TIAM1: variants seen among roughly 807,000 people sequenced by gnomAD.
The protein encoded by TIAM1 is TIAM Rac1 associated GEF 1, also known as rho guanine nucleotide exchange factor TIAM1.
A neutral mutation model predicts 163.5 loss-of-function variants in TIAM1; 65 were observed. That is an observed-to-expected ratio of 0.40 (90% confidence interval 0.33 to 0.49). The LOEUF (loss-of-function observed/expected upper bound fraction) is 0.49. Among genes scored for constraint, TIAM1 ranks in the 20% least tolerant of loss-of-function variants. The pLI is 0.77. For synonymous variants in TIAM1, 833 were observed against 810.1 expected (o/e 1.03, Z -0.48); for missense variants, 1,789 against 2,044.7 (o/e 0.87, Z 2.41).
Position 31,314,632 on chromosome 21 carries a change from G to C in TIAM1, c.-189+24611C>G, listed in dbSNP as rs932931212. Reference sequence around the variant, plus strand: ...CCAATATATTTTTTTAGAAATATTGGCTGCAAACCACTAAAATTATTTTAT... The same window carrying C: ...CCAATATATTTTTTTAGAAATATTGCCTGCAAACCACTAAAATTATTTTAT... On this transcript the variant is annotated intron_variant, in intron 2 of 27. Transcript: ENST00000541036. Among the ~76,000 whole-genome samples the C allele has an allele frequency of 7.9e-5, 12 of 152,086 alleles. No individual in the cohort carries two copies. In the East Asian group the frequency reaches 1.7e-3, roughly 22 times the overall value.
At chr21:31,290,959 A>G (rs1316088192) in intron 2 of TIAM1, among the ~76,000 whole-genome samples, 1 of 152,194 alleles carries the variant, frequency 6.6e-6, no homozygotes, top group East Asian at 1.9e-4. Context: ...AGCGCTCACT[A>G]GGGACCACTA....
Position 31,210,629 on chromosome 21 carries a change from GAA to G in TIAM1, c.2218-416_2218-415del, listed in dbSNP as rs1569031810. 6.2e-3 allele frequency among the ~76,000 whole-genome samples: 148 copies of G among 23,812 alleles called. 12 individuals carry two copies. Among genetic ancestry groups the G allele is most frequent in the Admixed American group, 0.019 (48 of 2,560 alleles). 15.6% of individuals were successfully genotyped at this position (23,812 alleles called of 152,430 possible). A position where few individuals can be genotyped will look rare whatever the true frequency, so the allele number is the denominator to read the frequency against. On this transcript the variant is annotated intron_variant, in intron 10 of 27. Transcript: ENST00000541036. ...AGGAAGGAAGGGAGAAAGAAAGAAA[GAA>G]AGAAAGAAAGAAAGAAAGAAAGAAA...
rs1476663075 is a variant in TIAM1, at chr21:31,209,584, A to G, written c.2388+461T>C. ...GATGCCCATAGTGTATCGGTTACTG[A>G]TTAAAGAGCAGGTGACAGAACAGTA... On this transcript the variant is annotated intron_variant, in intron 11 of 27. Transcript: ENST00000541036. 2.0e-5 allele frequency among the ~76,000 whole-genome samples: 3 copies of G among 152,236 alleles called. No homozygotes were observed. The East Asian group carries it at 5.8e-4, about 29-fold the overall frequency.
upstream of TIAM1, among the ~76,000 whole-genome samples, chr21:31,348,106 T>C (rs547237200): frequency 1.3e-3 from 196 of 152,236 alleles, no homozygotes; most frequent in African/African-American, 4.5e-3. Flanking sequence ...ACTCTCTCTC[T>C]CTATATATTA....
chr21:31,549,845 C>T (rs1010585430), intron 1 of TIAM1, among the ~76,000 whole-genome samples: 8 of 152,128 alleles, frequency 5.3e-5, no homozygotes, highest in African/African-American at 9.7e-5. Context: ...TTTAAAAGGC[C>T]GGGCGTGGTG....
rs1471647783 is a variant in TIAM1, at chr21:31,312,394, T to A, written c.-189+26849A>T. On this transcript the variant is annotated intron_variant, in intron 2 of 27. Transcript: ENST00000541036. ...TACTGGTCTTGGAAGGGAAACAATA[T>A]AACAGGTGAGTTAGCGTCATTAGTA... Among the ~76,000 whole-genome samples, 4 of 152,098 alleles carry A rather than the reference T, an allele frequency of 2.6e-5. No individual in the cohort carries two copies. In the East Asian group the frequency reaches 7.7e-4, roughly 29 times the overall value.
intron 2 of TIAM1, among the ~76,000 whole-genome samples, chr21:31,413,930 A>C (rs2043291287): frequency 6.6e-6 from 1 of 152,202 alleles, no homozygotes; most frequent in African/African-American, 2.4e-5. Flanking sequence ...GCACAAGGTC[A>C]ACATCTGGAA....
chr21:31,129,932 T>C (rs560863083), intron 25 of TIAM1, among the ~76,000 whole-genome samples: 6 of 152,264 alleles, frequency 3.9e-5, no homozygotes, highest in South Asian at 4.2e-4. Context: ...ATCTATAGAA[T>C]AGAATAACTA....
chr21:31,210,669 A>G lies in TIAM1; in HGVS notation c.2218-454T>C, dbSNP rs796095872. Among the ~76,000 whole-genome samples, 221 of 38,034 alleles carry G rather than the reference A, an allele frequency of 5.8e-3. 3 individuals carry two copies. Among genetic ancestry groups the G allele is most frequent in the East Asian group, 0.015 (15 of 1,016 alleles). The allele number at this position is 38,034 out of a possible 152,430, so 25.0% of individuals were successfully genotyped here. On this transcript the variant is annotated intron_variant, in intron 10 of 27. Coordinates refer to ENST00000541036, the MANE Select transcript of TIAM1 (RefSeq NM_001353694.2). ...AGAAAGAAAGAAAGAAAGAAAGAAA[A>G]AGAAAGAAAGAAAGAAAAAGAAAGA... is the stretch of plus-strand genomic sequence containing the variant.
intron 25 of TIAM1, 77 bp downstream of exon 25, chr21:31,130,136 A>G: frequency 2.6e-6 from 3 of 1,171,374 alleles, no homozygotes; most frequent in Non-Finnish European, 3.8e-6. Context: ...TTAGACCAAG[A>G]GTGTGGATTC....
chr21:31,322,759 G>A (rs1402204123), intron 2 of TIAM1, among the ~76,000 whole-genome samples: 1 of 152,180 alleles, frequency 6.6e-6, no homozygotes, highest in East Asian at 1.9e-4. Flanking sequence ...AGTTATGGCT[G>A]AATATTAGGT....
At chr21:31,283,466 T>A (rs1055955427) in intron 2 of TIAM1, among the ~76,000 whole-genome samples, 11 of 152,210 alleles carry the variant, frequency 7.2e-5, no homozygotes, top group African/African-American at 2.7e-4. Context: ...ACCATGAGAA[T>A]CATGTGCTTT....
chr21:31,445,642 G>A (rs1355240571), intron 2 of TIAM1, among the ~76,000 whole-genome samples: 1 of 152,164 alleles, frequency 6.6e-6, no homozygotes, highest in Non-Finnish European at 1.5e-5. Context: ...ACTGCAGGCA[G>A]TATCCAAAGA....
intron 8 of TIAM1, among the ~76,000 whole-genome samples, chr21:31,219,230 CAGGTGG>C (rs1569049748): frequency 3.0e-5 from 4 of 132,394 alleles, no homozygotes; most frequent in Non-Finnish European, 5.9e-5. Flanking sequence ...TTTATCCTAC[CAGGTGG>C]CAAGCAAAGT....
intron 8 of TIAM1, among the ~76,000 whole-genome samples, chr21:31,218,716 AG>A (rs1349597150): frequency 6.6e-6 from 1 of 152,178 alleles, no homozygotes; most frequent in Non-Finnish European, 1.5e-5. Flanking sequence ...TGCAACTTCC[AG>A]GAACTGTGCT....
chr21:31,181,972 TAG>T (rs2085052537), intron 15 of TIAM1, among the ~76,000 whole-genome samples: 1 of 148,514 alleles, frequency 6.7e-6, no homozygotes, highest in South Asian at 2.2e-4. Flanking sequence ...TTTGGAGAGA[TAG>T]AGTCTCGTTA....
In TIAM1 at chr21:31,203,845, T is replaced by C. The variant is rs80012306; in HGVS notation, c.2389-833A>G. On this transcript the variant is annotated intron_variant, in intron 11 of 27. Transcript: ENST00000541036. ...CAGTGTGAAGACAAGGCTTTTGGACTTCAATCTTATTTATATACTCCCCAA... is the reference window on the plus strand; with the variant it reads ...CAGTGTGAAGACAAGGCTTTTGGACCTCAATCTTATTTATATACTCCCCAA... Among the ~76,000 whole-genome samples, 1,303 of 152,342 alleles carry C rather than the reference T, an allele frequency of 8.6e-3. 29 individuals are homozygous for C. The highest frequency in any genetic ancestry group is 0.03 in the African/African-American group (1,232 of 41,582).
chr21:31,398,536 G>A (rs921264544), intron 2 of TIAM1, among the ~76,000 whole-genome samples: 1 of 152,174 alleles, frequency 6.6e-6, no homozygotes, highest in African/African-American at 2.4e-5. Flanking sequence ...CTAAACACCT[G>A]ACCAAGCACA....
intron 1 of TIAM1, among the ~76,000 whole-genome samples, chr21:31,539,833 T>C (rs1300366824): frequency 6.6e-6 from 1 of 152,104 alleles, no homozygotes; most frequent in Non-Finnish European, 1.5e-5. Context: ...TCTCCAATTT[T>C]TCATCTGTAA....
Sources: allele counts gnomAD v4.1 joint callset (sites outside exome capture counted in the v4.1 genomes callset), GRCh38; gene constraint gnomAD v4.1.1; transcripts MANE v1.5; gene names NCBI Gene and HGNC (gene_info 2026-07-23, HGNC 2026-07-21).